Variants in SSUH2 observed in about 807,000 individuals in gnomAD.
The protein encoded by SSUH2 is ssu-2 homolog, also known as protein SSUH2 homolog.
In SSUH2, 47 loss-of-function variants were observed where a neutral mutation model predicts 55.3. That is an observed-to-expected ratio of 0.85 (90% CI 0.67 to 1.08). SSUH2 has a LOEUF of 1.08. Ranked by LOEUF, SSUH2 falls within the 50% of genes least tolerant of loss-of-function variation. The pLI is 0.00. For synonymous variants in SSUH2, 212 were observed against 191.5 expected (o/e 1.11, Z -0.89); for missense variants, 535 against 490.7 (o/e 1.09, Z -0.85).
chr3:8,637,347 G>T (rs968164008), intron 1 of SSUH2, among the ~76,000 whole-genome samples: 5 of 152,192 alleles, frequency 3.3e-5, no homozygotes, highest in Non-Finnish European at 7.3e-5. Context: ...TGTCGGGTGT[G>T]ACATAGATAC....
At chr3:8,629,000 C>T (rs1172937506) in intron 7 of SSUH2, among the ~76,000 whole-genome samples, 10 of 152,270 alleles carry the variant, frequency 6.6e-5, no homozygotes, top group African/African-American at 1.9e-4. Context: ...GGACTACAGG[C>T]GCCCGCCACC....
intron 5 of SSUH2, among the ~76,000 whole-genome samples, chr3:8,667,666 A>T (rs1344709578): frequency 6.6e-6 from 1 of 152,196 alleles, no homozygotes; most frequent in Admixed American, 6.5e-5. Context: ...GGCATGATTG[A>T]TTAAGCCATT....
At chr3:8,658,276 T>C (rs568549985) in intron 7 of SSUH2, among the ~76,000 whole-genome samples, 3 of 152,330 alleles carry the variant, frequency 2.0e-5, no homozygotes, top group African/African-American at 7.2e-5. Flanking sequence ...CTGTTATTCA[T>C]ATCGAATTAG....
chr3:8,669,104 C>G (rs17049438), intron 5 of SSUH2, among the ~76,000 whole-genome samples: 49,792 of 152,060 alleles, frequency 0.33, 8,934 homozygotes, highest in African/African-American at 0.47. Context: ...TCTCAGCATA[C>G]TCTCTCATTC....
chr3:8,649,282 C>T (rs990938674), upstream of SSUH2, among the ~76,000 whole-genome samples: 7 of 152,170 alleles, frequency 4.6e-5, no homozygotes, highest in Non-Finnish European at 8.8e-5. Context: ...TCCTGCAGTT[C>T]ATGAAGAGGG....
intron 5 of SSUH2, chr3:8,664,000 C>T: frequency 2.8e-6 from 1 of 353,900 alleles, no homozygotes; most frequent in Non-Finnish European, 5.6e-6. Flanking sequence ...AAGGGAAGTG[C>T]TGGGAGACCC....
intron 1 of SSUH2, among the ~76,000 whole-genome samples, chr3:8,638,356 T>C (rs1231330759): frequency 1.3e-5 from 2 of 152,214 alleles, no homozygotes; most frequent in African/African-American, 4.8e-5. Flanking sequence ...TAAGAAATAC[T>C]ATCTGCCTCT....
chr3:8,644,223 G>A (rs1359418949), intron 1 of SSUH2, among the ~76,000 whole-genome samples: 2 of 152,168 alleles, frequency 1.3e-5, no homozygotes, highest in Admixed American at 6.5e-5. Context: ...GAAAGATCAC[G>A]AGTGAAGCCT....
chr3:8,644,427 A>T (rs563763752), intron 1 of SSUH2, among the ~76,000 whole-genome samples: 26 of 152,340 alleles, frequency 1.7e-4, no homozygotes, highest in African/African-American at 5.3e-4. Flanking sequence ...TCTCAATTTC[A>T]TCTTTCACCT....
chr3:8,678,902 ACCCCCCGCCAGGCG>A lies in SSUH2; in HGVS notation c.-901+789_-901+802del, dbSNP rs1705684431. Among the ~76,000 whole-genome samples the A allele has an allele frequency of 3.1e-5, 3 of 97,622 alleles. 1 individual carries two copies. The highest frequency in any genetic ancestry group is 6.7e-5 in the Non-Finnish European group (3 of 44,608). The allele number at this position is 97,622 out of a possible 152,430, so 64.0% of individuals were successfully genotyped here. A position where few individuals can be genotyped will look rare whatever the true frequency, so the allele number is the denominator to read the frequency against. ...GATCCCCATTGCAAGGGAGGGAGGC[ACCCCCCGCCAGGCG>A]GGGACTGAGAGCCAGCCACTCTTCC... is the stretch of plus-strand genomic sequence containing the variant. On this transcript the variant is annotated intron_variant, in intron 2 of 18. Coordinates refer to the SSUH2 transcript ENST00000317371.
intron 1 of SSUH2, among the ~76,000 whole-genome samples, chr3:8,681,620 C>A (rs1015936346): frequency 6.7e-6 from 1 of 150,196 alleles, no homozygotes; most frequent in African/African-American, 2.4e-5. Flanking sequence ...GCTCTTGGGA[C>A]CCCCATCGCA....
At chr3:8,622,099 G>A (rs776455152) in intron 11 of SSUH2, among the ~76,000 whole-genome samples, 1 of 152,174 alleles carries the variant, frequency 6.6e-6, no homozygotes, top group Non-Finnish European at 1.5e-5. Flanking sequence ...AGGTCTCAGA[G>A]TCATGGCCAT....
At position 8,678,794 on chromosome 3, in the gene SSUH2, A is replaced by AC. The variant is rs1553606781; in HGVS notation, c.-901+910dup. Reference sequence around the variant, plus strand: ...CCCTCTTCCCTCCCTGCCACTTAGGACCCCATCGCAGGGAGAGGAGGCGGC... The same window carrying AC: ...CCCTCTTCCCTCCCTGCCACTTAGGACCCCCATCGCAGGGAGAGGAGGCGGC... On this transcript the variant is annotated intron_variant, in intron 2 of 18. Coordinates refer to the SSUH2 transcript ENST00000317371. Among the ~76,000 whole-genome samples the AC allele has an allele frequency of 9.4e-5, 10 of 106,080 alleles. 4 individuals carry two copies. The highest frequency in any genetic ancestry group is 2.9e-4 in the African/African-American group (9 of 30,646). The allele number at this position is 106,080 out of a possible 152,430, so 69.6% of individuals were successfully genotyped here.
chr3:8,666,106 T>C (rs919646554), intron 5 of SSUH2, among the ~76,000 whole-genome samples: 1 of 152,202 alleles, frequency 6.6e-6, no homozygotes, highest in Non-Finnish European at 1.5e-5. Context: ...CTTATGGAGT[T>C]TCAAATGTGC....
intron 7 of SSUH2, among the ~76,000 whole-genome samples, chr3:8,650,929 G>C (rs1429648802): frequency 6.6e-6 from 1 of 152,208 alleles, no homozygotes; most frequent in Non-Finnish European, 1.5e-5. Flanking sequence ...AAATGGAAGA[G>C]GTTTTAAATC....
chr3:8,621,991 C>G (rs1429316321), intron 11 of SSUH2, among the ~76,000 whole-genome samples: 3 of 151,126 alleles, frequency 2.0e-5, no homozygotes, highest in African/African-American at 7.3e-5. Context: ...AAGTTTGAGG[C>G]CACAAATTGC....
intron 10 of SSUH2, 90 bp from the exon 11 acceptor site, chr3:8,623,746 CCAGA>C: frequency 3.1e-6 from 2 of 648,202 alleles, no homozygotes; most frequent in East Asian, 3.0e-5. Context: ...AGAGCCAGAG[CCAGA>C]CAGAGAAGGG....
At chr3:8,676,615 C>T (rs115705411) in intron 3 of SSUH2, among the ~76,000 whole-genome samples, 5,218 of 151,080 alleles carry the variant, frequency 0.035, 241 homozygotes, top group Non-Finnish European at 0.054. Context: ...GTGTACACAT[C>T]GTGCTCTATT....
chr3:8,629,609 G>A, intron 7 of SSUH2, 55 bp downstream of exon 7: 2 of 698,176 alleles, frequency 2.9e-6, no homozygotes, highest in South Asian at 5.4e-5. Context: ...CTGTCCCCAG[G>A]ATCCCCCGGC....
Sources: gnomAD v4.1 joint callset for allele counts (sites outside exome capture counted in the v4.1 genomes callset) on GRCh38, gnomAD v4.1.1 for gene constraint, MANE v1.5 for transcripts, NCBI Gene and HGNC (gene_info 2026-07-23, HGNC 2026-07-21) for gene names.